TTC7B: variants seen among roughly 807,000 people sequenced by gnomAD.
TTC7B encodes tetratricopeptide repeat domain 7B.
In TTC7B, 28 loss-of-function variants were observed where a neutral mutation model predicts 106.8. The observed-to-expected ratio is 0.26, with a 90% confidence interval of 0.19 to 0.36. The LOEUF is 0.36. TTC7B is among the 10% of genes least tolerant of loss of function. The pLI is 1.00. For missense variants in TTC7B, 862 were observed against 1,076.4 expected, an observed-to-expected ratio of 0.80 and a Z score of 2.79; for synonymous variants, 405 against 430.6, an observed-to-expected ratio of 0.94 and a Z score of 0.74.
At chr14:90,544,725 C>T (rs981936691) in intron 19 of TTC7B, among the ~76,000 whole-genome samples, 10 of 152,140 alleles carry the variant, frequency 6.6e-5, no homozygotes, top group Non-Finnish European at 1.5e-4. Flanking sequence ...TTCTGGGTAG[C>T]GGCCCTGAGC....
At chr14:90,684,866 G>A (rs1887195141) in intron 7 of TTC7B, among the ~76,000 whole-genome samples, 1 of 152,026 alleles carries the variant, frequency 6.6e-6, no homozygotes, top group East Asian at 1.9e-4. Context: ...CTCTATGTAT[G>A]GTGTGTATCC....
At chr14:90,755,386 G>A (rs1490969128) in intron 3 of TTC7B, among the ~76,000 whole-genome samples, 1 of 152,218 alleles carries the variant, frequency 6.6e-6, no homozygotes, top group African/African-American at 2.4e-5. Flanking sequence ...AGTGGCTCAT[G>A]CCTGTAACCC....
chr14:90,676,447 T>C (rs886899878), intron 9 of TTC7B, 76 bp downstream of exon 9: 37 of 1,539,650 alleles, frequency 2.4e-5, no homozygotes, highest in Non-Finnish European at 3.3e-5. Flanking sequence ...CAGGACCAGG[T>C]CTCACAGCGC....
chr14:90,640,385 C>T (rs973784776), intron 15 of TTC7B, among the ~76,000 whole-genome samples: 1 of 151,954 alleles, frequency 6.6e-6, no homozygotes. Flanking sequence ...AGGTGACAGG[C>T]AAAAGGACAG....
chr14:90,712,725 G>A (rs911099387), intron 5 of TTC7B, among the ~76,000 whole-genome samples: 22 of 151,850 alleles, frequency 1.4e-4, no homozygotes, highest in Middle Eastern at 3.2e-3. Flanking sequence ...TTATCAAAAC[G>A]CTGGCAGGCT....
intron 1 of TTC7B, among the ~76,000 whole-genome samples, chr14:90,803,491 A>G (rs950249701): frequency 6.6e-6 from 1 of 152,002 alleles, no homozygotes; most frequent in Non-Finnish European, 1.5e-5. Context: ...TCCCATTCCC[A>G]CTGCAGGGCT....
At chr14:90,642,487 C>A (rs1457063390) in intron 15 of TTC7B, among the ~76,000 whole-genome samples, 1 of 152,210 alleles carries the variant, frequency 6.6e-6, no homozygotes, top group African/African-American at 2.4e-5. Context: ...CCACCTTCTA[C>A]ATTCTTTCCC....
rs113037989 is a variant in TTC7B, at chr14:90,524,880, CTTT to C, written c.*16485_*16487del. On this transcript the variant is annotated 3_prime_UTR_variant, in exon 20 of 20. Transcript: ENST00000328459. ...GCTGTACTCATCTCCATTACGAGGCCTTTTTTTTTAAAAAAAAAAAACAAACAA... is the reference window on the plus strand; with the variant it reads ...GCTGTACTCATCTCCATTACGAGGCCTTTTTTAAAAAAAAAAAACAAACAA... 1 of 46,758 alleles carries C rather than the reference CTTT, an allele frequency of 2.1e-5. No individual in the cohort carries two copies. Among genetic ancestry groups the C allele is most frequent in the African/African-American group, 9.1e-5 (1 of 10,966 alleles). The allele number at this position is 46,758 out of a possible 1,614,324, so 2.9% of individuals were successfully genotyped here.
At chr14:90,542,982 T>A (rs565614700) in intron 19 of TTC7B, among the ~76,000 whole-genome samples, 2 of 152,372 alleles carry the variant, frequency 1.3e-5, no homozygotes, top group South Asian at 2.1e-4. Context: ...GTTGGTCACC[T>A]ACCCCCTTCT....
At chr14:90,602,439 C>T (rs1418652254) in intron 17 of TTC7B, among the ~76,000 whole-genome samples, 2 of 152,220 alleles carry the variant, frequency 1.3e-5, no homozygotes, top group South Asian at 2.1e-4. Context: ...TGATGGCTCA[C>T]GCCTGTAATC....
rs1233380986 is a variant in TTC7B, at chr14:90,657,460, G to A, written c.1237-182C>T. 1.1e-5 allele frequency: 6 copies of A among 552,844 alleles called. No homozygotes were observed. The highest frequency in any genetic ancestry group is 9.5e-5 in the African/African-American group (5 of 52,808). 34.2% of individuals were successfully genotyped at this position (552,844 alleles called of 1,614,324 possible). A position where few individuals can be genotyped will look rare whatever the true frequency, so the allele number is the denominator to read the frequency against. ...AGCCTGCGGCTTCTGAGTGACTGGG[G>A]AGTACACTGGGTTAAAAGCCAGCAG... is the stretch of plus-strand genomic sequence containing the variant. On this transcript the variant is annotated intron_variant, in intron 10 of 19. Coordinates refer to ENST00000328459, the MANE Select transcript of TTC7B (RefSeq NM_001010854.2). The surrounding 1 kb of genome is among the most constrained non-coding windows in gnomAD (Gnocchi z 4.2).
In TTC7B at chr14:90,802,134, T is replaced by C. The variant is rs567418497; in HGVS notation, c.121+14041A>G. On this transcript the variant is annotated intron_variant, in intron 1 of 19. Coordinates refer to ENST00000328459, the MANE Select transcript of TTC7B (RefSeq NM_001010854.2). The surrounding 1 kb of genome is among the most constrained non-coding windows in gnomAD (Gnocchi z 4.7). ...CAAGTGTAAGATCACAGACTAGCCATTAGACCTGGCAGCACACGGGCCACA... is the reference window on the plus strand; with the variant it reads ...CAAGTGTAAGATCACAGACTAGCCACTAGACCTGGCAGCACACGGGCCACA... Among the ~76,000 whole-genome samples the C allele has an allele frequency of 5.3e-5, 8 of 151,404 alleles. No individual in the cohort carries two copies. The South Asian group carries it at 1.7e-3, about 32-fold the overall frequency.
intron 18 of TTC7B, among the ~76,000 whole-genome samples, chr14:90,588,444 T>C (rs970185603): frequency 6.6e-6 from 1 of 152,180 alleles, no homozygotes; most frequent in African/African-American, 2.4e-5. Context: ...AAGGTGGAAA[T>C]TGAAAAATGG....
chr14:90,783,098 AG>A (rs1485742060), intron 2 of TTC7B, among the ~76,000 whole-genome samples: 6 of 152,246 alleles, frequency 3.9e-5, no homozygotes, highest in Non-Finnish European at 7.3e-5. Context: ...CAGCTTGGCC[AG>A]GGCGCCTCGG....
rs1595368253 is a variant in TTC7B, at chr14:90,780,413, A to C, written c.445+325T>G. Among the ~76,000 whole-genome samples the C allele has an allele frequency of 6.7e-5, 5 of 75,172 alleles. No homozygotes were observed. In the South Asian group the frequency reaches 1.8e-3, roughly 27 times the overall value. The allele number at this position is 75,172 out of a possible 152,430, so 49.3% of individuals were successfully genotyped here. On this transcript the variant is annotated intron_variant, in intron 3 of 19. Coordinates refer to ENST00000328459, the MANE Select transcript of TTC7B (RefSeq NM_001010854.2). ...AAAGAAAGAGAGAAAGAAACAGAGA[A>C]AGAAAGAAAGAAAGAAAGAGAGAGA...
At chr14:90,544,958 G>A (rs190323447) in intron 19 of TTC7B, among the ~76,000 whole-genome samples, 35 of 152,330 alleles carry the variant, frequency 2.3e-4, no homozygotes, top group East Asian at 1.4e-3. Context: ...CTCTGCCACC[G>A]TAGCATCAGC....
chr14:90,718,444 A>C (rs1888746051), intron 5 of TTC7B, among the ~76,000 whole-genome samples: 1 of 152,252 alleles, frequency 6.6e-6, no homozygotes, highest in Non-Finnish European at 1.5e-5. Context: ...TGATCTTTCC[A>C]GAAAATGTGT....
At chr14:90,669,481 T>G (rs1439878452) in intron 9 of TTC7B, among the ~76,000 whole-genome samples, 2 of 151,918 alleles carry the variant, frequency 1.3e-5, no homozygotes, top group African/African-American at 2.4e-5. Context: ...GGAGGATCAC[T>G]TGAGGCCAAG....
At chr14:90,574,797 G>A (rs1393164028) in intron 19 of TTC7B, among the ~76,000 whole-genome samples, 1 of 152,110 alleles carries the variant, frequency 6.6e-6, no homozygotes, top group Non-Finnish European at 1.5e-5. Flanking sequence ...AGCCCCCACT[G>A]ACTGCTTGTC....
Sources: gnomAD v4.1 joint callset for allele counts (sites outside exome capture counted in the v4.1 genomes callset) on GRCh38, gnomAD v4.1.1 for gene constraint, Gnocchi (gnomAD v3.1) non-coding constraint, MANE v1.5 for transcripts, NCBI Gene and HGNC (gene_info 2026-07-23, HGNC 2026-07-21) for gene names.